The following ANKS1B variants were observed in gnomAD, a reference collection of about 807,000 sequenced individuals.
ANKS1B encodes ankyrin repeat and sterile alpha motif domain-containing protein 1B.
ANKS1B carries 36 observed loss-of-function variants against 148.3 expected under a neutral mutation model. The ratio of observed to expected loss-of-function variants is 0.24; its 90% CI spans 0.19 to 0.32. The LOEUF (loss-of-function observed/expected upper bound fraction) is 0.32. Ranked by LOEUF, ANKS1B falls within the 10% of genes least tolerant of loss-of-function variation. ANKS1B has a pLI of 1.00. For synonymous variants in ANKS1B, 542 were observed against 560.8 expected, an observed-to-expected ratio of 0.97 and a Z score of 0.47; for missense variants, 1,157 against 1,542.6, an observed-to-expected ratio of 0.75 and a Z score of 4.19.
intron 17 of ANKS1B, among the ~76,000 whole-genome samples, chr12:98,994,598 A>G (rs2099928468): frequency 6.6e-6 from 1 of 152,164 alleles, no homozygotes; most frequent in Admixed American, 6.5e-5. Context: ...CATCCTGGGT[A>G]AAAGATTGAG....
At position 98,968,935 on chromosome 12, in the gene ANKS1B, T is replaced by C. The variant is rs530395645; in HGVS notation, c.2778+84222A>G. ...GCACAGTAGAGATATGTTAATAAAA[T>C]TGAATAATGTCTCTTGCACTAAGTT... On this transcript the variant is annotated intron_variant, in intron 17 of 26. Transcript: ENST00000683438. 1.7e-4 allele frequency among the ~76,000 whole-genome samples: 26 copies of C among 152,308 alleles called. No homozygotes were observed. In the South Asian group the frequency reaches 1.9e-3, roughly 11 times the overall value.
rs12578524 is a variant in ANKS1B at position 99,302,724 on chromosome 12, G to A, written c.1757-55860C>T. ...AACAAAAAGGACCACATTGTTAAGT[G>A]ACATAAAGAATAAAATTTGGCAGCA... is the stretch of plus-strand genomic sequence containing the variant. On this transcript the variant is annotated intron_variant, in intron 12 of 26. Transcript: ENST00000683438. Among the ~76,000 whole-genome samples, 515 of 152,218 alleles carry A rather than the reference G, an allele frequency of 3.4e-3. 33 individuals carry two copies. In the East Asian group the frequency reaches 0.084, roughly 25 times the overall value.
At chr12:99,035,059 GGCCTCAGAAGCA>G (rs1449405850) in intron 17 of ANKS1B, among the ~76,000 whole-genome samples, 2 of 152,044 alleles carry the variant, frequency 1.3e-5, no homozygotes, top group African/African-American at 4.8e-5. Context: ...CCAAAATGAA[GGCCTCAGAAGCA>G]GCCTCAGAAG....
intron 8 of ANKS1B, among the ~76,000 whole-genome samples, chr12:99,672,283 T>C (rs1184965730): frequency 6.6e-6 from 1 of 152,122 alleles, no homozygotes; most frequent in Non-Finnish European, 1.5e-5. Flanking sequence ...TGTTAATTCA[T>C]TCCCCATTTC....
chr12:99,312,878 T>TA, intron 12 of ANKS1B, among the ~76,000 whole-genome samples: 1 of 151,228 alleles, frequency 6.6e-6, no homozygotes, highest in South Asian at 2.1e-4. Context: ...GAAGCAAGAG[T>TA]AAATTAATCC....
chr12:98,783,954 G>C (rs1200467232), intron 22 of ANKS1B, among the ~76,000 whole-genome samples: 1 of 152,204 alleles, frequency 6.6e-6, no homozygotes, highest in African/African-American at 2.4e-5. Flanking sequence ...AAGCACCTGA[G>C]TTGAAGTAGA....
chr12:99,891,131 C>T (rs1242439613), intron 1 of ANKS1B, among the ~76,000 whole-genome samples: 1 of 152,166 alleles, frequency 6.6e-6, no homozygotes, highest in Non-Finnish European at 1.5e-5. Flanking sequence ...ACTCCTAAAA[C>T]TTCTTGAATA....
intron 12 of ANKS1B, among the ~76,000 whole-genome samples, chr12:99,322,412 C>T (rs2085449933): frequency 6.7e-6 from 1 of 150,068 alleles, no homozygotes; most frequent in Non-Finnish European, 1.5e-5. Context: ...CAGCAAACCA[C>T]CATGACACAC....
chr12:99,596,125 T>C (rs1234036642), intron 9 of ANKS1B, among the ~76,000 whole-genome samples: 1 of 151,868 alleles, frequency 6.6e-6, no homozygotes, highest in East Asian at 1.9e-4. Flanking sequence ...ATTAAATTTC[T>C]AGCACTGCCA....
intron 14 of ANKS1B, among the ~76,000 whole-genome samples, chr12:99,212,702 A>G (rs564803576): frequency 6.6e-6 from 1 of 152,354 alleles, no homozygotes; most frequent in South Asian, 2.1e-4. Flanking sequence ...AGGGTCAAAG[A>G]CAATTTCCAG....
At chr12:99,276,404 T>C (rs1042104031) in intron 12 of ANKS1B, among the ~76,000 whole-genome samples, 4 of 152,192 alleles carry the variant, frequency 2.6e-5, no homozygotes, top group Non-Finnish European at 4.4e-5. Context: ...GATGCTGTTA[T>C]GATGGGCCCC....
intron 26 of ANKS1B, among the ~76,000 whole-genome samples, chr12:98,748,983 T>C (rs1023658276): frequency 6.6e-6 from 1 of 152,234 alleles, no homozygotes; most frequent in Non-Finnish European, 1.5e-5. Flanking sequence ...CTCAAAGATA[T>C]GCTTGTGAAA....
At chr12:99,167,672 G>C (rs903449431) in intron 14 of ANKS1B, among the ~76,000 whole-genome samples, 9 of 152,208 alleles carry the variant, frequency 5.9e-5, no homozygotes, top group African/African-American at 2.2e-4. Context: ...ACATCCACTA[G>C]ATGACCCAGC....
In ANKS1B at chr12:99,833,138, A is replaced by G. The variant is rs544478413; in HGVS notation, c.135-7749T>C. Among the ~76,000 whole-genome samples, 19 of 152,362 alleles carry G rather than the reference A, an allele frequency of 1.2e-4. No individual in the cohort carries two copies. The South Asian group carries it at 3.1e-3, about 25-fold the overall frequency. On this transcript the variant is annotated intron_variant, in intron 1 of 26. Transcript: ENST00000683438. ...GAATAGTCTGAATGTTGAAATTATC[A>G]TGAATTTCTTTAAGGAAAAGAAAAG...
At chr12:99,397,410 T>G (rs971312429) in intron 12 of ANKS1B, among the ~76,000 whole-genome samples, 8 of 152,128 alleles carry the variant, frequency 5.3e-5, no homozygotes, top group African/African-American at 1.9e-4. Context: ...GTGCTTACAA[T>G]GGGCCAGAGA....
At chr12:99,666,520 T>C (rs2098507721) in intron 8 of ANKS1B, among the ~76,000 whole-genome samples, 1 of 152,140 alleles carries the variant, frequency 6.6e-6, no homozygotes, top group African/African-American at 2.4e-5. Context: ...CTGTTAAATT[T>C]GTAGGGGTAA....
intron 2 of ANKS1B, among the ~76,000 whole-genome samples, chr12:99,816,258 T>A (rs1565784406): frequency 6.6e-6 from 1 of 151,954 alleles, no homozygotes; most frequent in African/African-American, 2.4e-5. Context: ...GAGCACTGTT[T>A]CACATGTTTG....
chr12:98,751,536 G>A lies in ANKS1B; in HGVS notation c.3580-14C>T, dbSNP rs979313143. On this transcript the variant is annotated splice_polypyrimidine_tract_variant and intron_variant, in intron 25 of 26. Coordinates refer to ENST00000683438, the MANE Select transcript of ANKS1B (RefSeq NM_001352186.2). The surrounding 1 kb of genome is among the most constrained non-coding windows in gnomAD (Gnocchi z 4.3). ...ATAGGCTAAATTCTGCAAGAAAAAT[G>A]AGAAAGCATTTGCTACTGGCACACT... The A allele has an allele frequency of 3.1e-6, 5 of 1,612,910 alleles. No homozygotes were observed. Among genetic ancestry groups the A allele is most frequent in the Non-Finnish European group, 4.2e-6 (5 of 1,179,508 alleles).
intron 11 of ANKS1B, among the ~76,000 whole-genome samples, chr12:99,410,769 A>T (rs1358313070): frequency 6.6e-6 from 1 of 152,252 alleles, no homozygotes; most frequent in Non-Finnish European, 1.5e-5. Context: ...TCAGGGAACC[A>T]GTGCAACATA....
Sources: gnomAD v4.1 joint callset for allele counts (sites outside exome capture counted in the v4.1 genomes callset) on GRCh38, gnomAD v4.1.1 for gene constraint, Gnocchi (gnomAD v3.1) non-coding constraint, MANE v1.5 for transcripts, NCBI Gene and HGNC (gene_info 2026-07-23, HGNC 2026-07-21) for gene names.